Variants in ZNF536 observed in about 807,000 individuals in gnomAD.
ZNF536 encodes zinc finger protein 536.
In ZNF536, 13 loss-of-function variants were observed where a neutral mutation model predicts 84.5. The observed-to-expected ratio is 0.15, with a 90% CI of 0.10 to 0.24. The LOEUF is 0.24. Among genes scored for constraint, ZNF536 ranks in the 10% least tolerant of loss-of-function variants. The pLI is 1.00. For synonymous variants in ZNF536, 811 were observed against 742.5 expected (o/e 1.09, Z -1.50); for missense variants, 1,536 against 1,747.5 (o/e 0.88, Z 2.16).
chr19:30,616,373 G>T (rs1225403348), intron 1 of ZNF536, among the ~76,000 whole-genome samples: 1 of 152,054 alleles, frequency 6.6e-6, no homozygotes, highest in Non-Finnish European at 1.5e-5. Context: ...AGGGATTTGT[G>T]TTTAAATTTA....
chr19:30,379,511 G>A (rs528797369), intron 1 of ZNF536, among the ~76,000 whole-genome samples: 2 of 151,946 alleles, frequency 1.3e-5, no homozygotes, highest in Admixed American at 6.6e-5. Flanking sequence ...AAGGAGGATG[G>A]GGTGGGGCAG....
chr19:30,356,048 T>C (rs2146793658), intron 3 of ZNF536, among the ~76,000 whole-genome samples: 1 of 152,364 alleles, frequency 6.6e-6, no homozygotes, highest in East Asian at 1.9e-4. Flanking sequence ...TCTTAAGCAC[T>C]GATTACATAA....
intron 2 of ZNF536, among the ~76,000 whole-genome samples, chr19:30,492,485 C>A (rs1297929254): frequency 6.6e-6 from 1 of 152,086 alleles, no homozygotes; most frequent in Non-Finnish European, 1.5e-5. Flanking sequence ...GAACATATTT[C>A]AAGACAAAAT....
At chr19:30,449,901 A>G (rs775078238) in intron 2 of ZNF536, among the ~76,000 whole-genome samples, 16 of 152,120 alleles carry the variant, frequency 1.1e-4, no homozygotes, top group Non-Finnish European at 2.1e-4. Flanking sequence ...TGGGGTGTAT[A>G]GTGATATGAT....
chr19:30,555,404 TAGAG>T (rs1238672535), intron 4 of ZNF536: 1 of 152,220 alleles, frequency 6.6e-6, no homozygotes, highest in African/African-American at 2.4e-5. Flanking sequence ...CCATCAGTGT[TAGAG>T]AGGCACGTTT....
intron 2 of ZNF536, among the ~76,000 whole-genome samples, chr19:30,481,827 G>A (rs938113451): frequency 7.6e-5 from 11 of 145,236 alleles, no homozygotes; most frequent in South Asian, 2.5e-4. Flanking sequence ...CACCCCTCCC[G>A]CCCTCACCAC....
intron 2 of ZNF536, among the ~76,000 whole-genome samples, chr19:30,523,807 G>A (rs1279614762): frequency 3.9e-5 from 6 of 152,218 alleles, no homozygotes; most frequent in Admixed American, 6.5e-5. Flanking sequence ...TGGTATGGCT[G>A]TGTGACCACA....
chr19:30,393,997 A>G (rs1433066), intron 1 of ZNF536, among the ~76,000 whole-genome samples: 148,881 of 152,166 alleles, frequency 0.98, 72,962 homozygotes, highest in Non-Finnish European at 0.99. Flanking sequence ...TGGTCCAGAG[A>G]TGGAAGCTGA....
chr19:30,660,198 G>T (rs1432333733), intron 1 of ZNF536, among the ~76,000 whole-genome samples: 4 of 152,174 alleles, frequency 2.6e-5, no homozygotes, highest in Non-Finnish European at 5.9e-5. Flanking sequence ...CCAGGCAGAA[G>T]GAAGGAAAAC....
At chr19:30,357,989 T>G (rs1024158619) in intron 3 of ZNF536, among the ~76,000 whole-genome samples, 1 of 152,142 alleles carries the variant, frequency 6.6e-6, no homozygotes, top group Non-Finnish European at 1.5e-5. Context: ...TGCAGACATC[T>G]CCTGTTCACT....
At chr19:30,658,621 A>G (rs2050007737) in intron 1 of ZNF536, among the ~76,000 whole-genome samples, 1 of 151,644 alleles carries the variant, frequency 6.6e-6, no homozygotes, top group Non-Finnish European at 1.5e-5. Flanking sequence ...CTTACCTTCC[A>G]CTCAAAAATG....
chr19:30,648,574 C>T (rs2147420648), intron 1 of ZNF536, among the ~76,000 whole-genome samples: 1 of 152,264 alleles, frequency 6.6e-6, no homozygotes, highest in South Asian at 2.1e-4. Flanking sequence ...ACAGCATCAG[C>T]CAACGTTTCC....
intron 2 of ZNF536, among the ~76,000 whole-genome samples, chr19:30,521,822 C>T (rs1045984578): frequency 3.9e-5 from 6 of 152,016 alleles, no homozygotes; most frequent in African/African-American, 1.5e-4. Flanking sequence ...CTGGGAGTGA[C>T]GTGGCCTGAC....
At chr19:30,287,297 G>C (rs2045665637) in intron 2 of ZNF536, among the ~76,000 whole-genome samples, 2 of 150,252 alleles carry the variant, frequency 1.3e-5, no homozygotes, top group African/African-American at 4.9e-5. Flanking sequence ...CTGGATGGAT[G>C]AGTGGACGGA....
At chr19:30,516,588 A>G (rs763872682) in intron 2 of ZNF536, among the ~76,000 whole-genome samples, 1 of 152,170 alleles carries the variant, frequency 6.6e-6, no homozygotes, top group Non-Finnish European at 1.5e-5. Flanking sequence ...AGGTCAACCC[A>G]CATGTGTTCA....
At chr19:30,600,729 G>T (rs73028855) in intron 1 of ZNF536, among the ~76,000 whole-genome samples, 1 of 152,162 alleles carries the variant, frequency 6.6e-6, no homozygotes, top group African/African-American at 2.4e-5. Flanking sequence ...ACGTTCAGGC[G>T]TGTGTGCCCC....
At chr19:30,478,297 G>C (rs933106345) in intron 2 of ZNF536, among the ~76,000 whole-genome samples, 61 of 152,158 alleles carry the variant, frequency 4.0e-4, no homozygotes, top group Admixed American at 4.0e-3. Context: ...AAGGTTGGGA[G>C]GGTCTTACGA....
intron 1 of ZNF536, among the ~76,000 whole-genome samples, chr19:30,621,223 A>G (rs953263310): frequency 6.6e-6 from 1 of 152,028 alleles, no homozygotes; most frequent in Non-Finnish European, 1.5e-5. Context: ...AATTTTCACC[A>G]GGAATGAAGC....
At chr19:30,664,268 C>G (rs1008764789) in intron 1 of ZNF536, among the ~76,000 whole-genome samples, 1 of 148,128 alleles carries the variant, frequency 6.8e-6, no homozygotes, top group Non-Finnish European at 1.5e-5. Context: ...CTCTCCCTCT[C>G]CCTCTCTCCC....
Sources: gnomAD v4.1 joint callset for allele counts (sites outside exome capture counted in the v4.1 genomes callset) on GRCh38, gnomAD v4.1.1 for gene constraint, MANE v1.5 for transcripts, NCBI Gene and HGNC (gene_info 2026-07-23, HGNC 2026-07-21) for gene names.